SEPTIN9: variants seen among roughly 807,000 people sequenced by gnomAD.
SEPTIN9 encodes the protein septin-9.
SEPTIN9 carries 13 observed loss-of-function variants against 56.6 expected under a neutral mutation model. The ratio of observed to expected loss-of-function variants is 0.23; its 90% CI spans 0.15 to 0.37. SEPTIN9 has a LOEUF of 0.37. Ranked by LOEUF, SEPTIN9 falls within the 10% of genes least tolerant of loss-of-function variation. SEPTIN9 has a pLI of 1.00. For missense variants in SEPTIN9, 650 were observed against 823.1 expected (o/e 0.79, Z 2.57); for synonymous variants, 332 against 334.1 (o/e 0.99, Z 0.07).
At chr17:77,341,092 G>A (rs753720620) in intron 2 of SEPTIN9, among the ~76,000 whole-genome samples, 1 of 152,168 alleles carries the variant, frequency 6.6e-6, no homozygotes, top group Non-Finnish European at 1.5e-5. Flanking sequence ...TGTGTGCACT[G>A]GAATCGCACT....
intron 3 of SEPTIN9, among the ~76,000 whole-genome samples, chr17:77,418,973 C>CT (rs1217961215): frequency 6.6e-6 from 1 of 152,192 alleles, no homozygotes; most frequent in African/African-American, 2.4e-5. Context: ...ATTTCCCTGC[C>CT]TGAGCCTCCT....
At chr17:77,390,452 C>CTTTT (rs1346255182) in intron 2 of SEPTIN9, among the ~76,000 whole-genome samples, 3 of 115,064 alleles carry the variant, frequency 2.6e-5, no homozygotes, top group African/African-American at 3.9e-5. Flanking sequence ...GCACATTTCG[C>CTTTT]TTTTTTTTTT....
At chr17:77,315,185 G>T (rs2032652050) in intron 2 of SEPTIN9, among the ~76,000 whole-genome samples, 1 of 152,174 alleles carries the variant, frequency 6.6e-6, no homozygotes. Context: ...CAGGAGTGGA[G>T]GGGGCAACCA....
chr17:77,460,398 C>T (rs1270689147), intron 3 of SEPTIN9, among the ~76,000 whole-genome samples: 1 of 152,156 alleles, frequency 6.6e-6, no homozygotes, highest in African/African-American at 2.4e-5. Flanking sequence ...GAGGAAAGAG[C>T]TAATTAACTT....
intron 2 of SEPTIN9, among the ~76,000 whole-genome samples, chr17:77,351,530 C>T (rs12450104): frequency 0.21 from 32,098 of 152,128 alleles, 3,736 homozygotes; most frequent in South Asian, 0.33. Flanking sequence ...CTCAAGGTCA[C>T]GGGCGGCCAC....
rs139616610 is a variant in SEPTIN9, at chr17:77,434,409, A to G, written c.721+31706A>G. 2.5e-3 allele frequency among the ~76,000 whole-genome samples: 374 copies of G among 152,278 alleles called. 2 individuals carry two copies. The highest frequency in any genetic ancestry group is 7.9e-3 in the Admixed American group (121 of 15,298). ...TGGCTGAGGCTGCGGTGAGGTCTCC[A>G]TGGCTCCCTCGTCCTGCACATCCTT... On this transcript the variant is annotated intron_variant, in intron 3 of 11. Transcript: ENST00000427177. The surrounding 1 kb of genome is among the most constrained non-coding windows in gnomAD (Gnocchi z 5.0).
chr17:77,496,692 G>C (rs1393256187), intron 10 of SEPTIN9, among the ~76,000 whole-genome samples: 1 of 152,240 alleles, frequency 6.6e-6, no homozygotes, highest in African/African-American at 2.4e-5. Context: ...TATGTATTGT[G>C]TGAAGTGCAC....
chr17:77,493,779 T>C (rs898526582), intron 10 of SEPTIN9, among the ~76,000 whole-genome samples: 4 of 148,284 alleles, frequency 2.7e-5, no homozygotes, highest in Non-Finnish European at 4.5e-5. Flanking sequence ...TTTTTTTTTT[T>C]TTTTTTTGTT....
At chr17:77,355,348 G>C (rs7209969) in intron 2 of SEPTIN9, among the ~76,000 whole-genome samples, 1 of 152,234 alleles carries the variant, frequency 6.6e-6, no homozygotes, top group African/African-American at 2.4e-5. Context: ...TCCCGTCTTG[G>C]ATGTGTGGGT....
At chr17:77,432,371 C>A (rs2037177145) in intron 3 of SEPTIN9, among the ~76,000 whole-genome samples, 1 of 152,232 alleles carries the variant, frequency 6.6e-6, no homozygotes, top group Non-Finnish European at 1.5e-5. Context: ...TTGTTTCTCC[C>A]TTGTCCCTGT....
intron 2 of SEPTIN9, among the ~76,000 whole-genome samples, chr17:77,328,238 CCTAA>C (rs1029142094): frequency 3.1e-4 from 47 of 152,370 alleles, no homozygotes; most frequent in African/African-American, 1.1e-3. Context: ...TCCCCACTTT[CCTAA>C]TCTCCCTCCA....
In SEPTIN9 at chr17:77,492,495, C is replaced by G. The variant is rs1161784081; in HGVS notation, c.1381-126C>G. 2.4e-6 allele frequency: 2 copies of G among 825,476 alleles called. No homozygotes were observed. Among genetic ancestry groups the G allele is most frequent in the Non-Finnish European group, 4.3e-6 (2 of 469,980 alleles). The allele number at this position is 825,476 out of a possible 1,614,324, so 51.1% of individuals were successfully genotyped here. On this transcript the variant is annotated intron_variant, in intron 8 of 11. Coordinates refer to ENST00000427177, the MANE Select transcript of SEPTIN9 (RefSeq NM_001113491.2). The surrounding 1 kb of genome is among the most constrained non-coding windows in gnomAD (Gnocchi z 5.4). ...AGTTGGAGGTGATTGGTGTCACAGC[C>G]CCCCAGAGCCTGCCCTTGAACCCGA...
intron 4 of SEPTIN9, 72 bp downstream of exon 4, chr17:77,482,407 C>A (rs1480913948): frequency 1.9e-5 from 28 of 1,485,628 alleles, no homozygotes; most frequent in Non-Finnish European, 2.5e-5. Flanking sequence ...GGCCCACAAG[C>A]CTTTGGGCTT....
At position 77,498,686 on chromosome 17, in the gene SEPTIN9, T is replaced by TGCGG; in HGVS notation, c.*30_*31insGGGC. On this transcript the variant is annotated 3_prime_UTR_variant, in exon 12 of 12. Transcript: ENST00000427177. ...GCCACCCTGCCCACCCCCGGGATCC[T>TGCGG]GCCCCCAAGTCATTTCCGTCCCCCC... is the stretch of plus-strand genomic sequence containing the variant. The TGCGG allele has an allele frequency of 7.5e-7, 1 of 1,327,828 alleles. No homozygotes were observed. Among genetic ancestry groups the TGCGG allele is most frequent in the Non-Finnish European group, 9.9e-7 (1 of 1,006,602 alleles). The allele number at this position is 1,327,828 out of a possible 1,614,324, so 82.3% of individuals were successfully genotyped here. A position where few individuals can be genotyped will look rare whatever the true frequency, so the allele number is the denominator to read the frequency against.
chr17:77,442,305 C>G (rs1315656763), intron 3 of SEPTIN9: 1 of 152,074 alleles, frequency 6.6e-6, no homozygotes, highest in East Asian at 1.9e-4. Context: ...TCAAGCGATT[C>G]CCCTGCCTCA....
intron 2 of SEPTIN9, chr17:77,320,442 T>C (rs1263418337): frequency 9.4e-7 from 1 of 1,066,930 alleles, no homozygotes; most frequent in Non-Finnish European, 1.5e-6. Flanking sequence ...CAAAGGGCGC[T>C]TTTGCTCATT....
intron 3 of SEPTIN9, among the ~76,000 whole-genome samples, chr17:77,415,394 G>A (rs928638175): frequency 2.6e-5 from 4 of 152,182 alleles, no homozygotes; most frequent in Non-Finnish European, 4.4e-5. Flanking sequence ...ATCACCTGAG[G>A]TCAGGAGTTC....
At position 77,490,808 on chromosome 17, in the gene SEPTIN9, C is replaced by T. The variant is rs775662114; in HGVS notation, c.1329C>T (p.Ile443=). The T allele has an allele frequency of 3.8e-5, 60 of 1,595,724 alleles. No individual in the cohort carries two copies. Among genetic ancestry groups the T allele is most frequent in the Non-Finnish European group, 4.5e-5 (53 of 1,171,026 alleles). ...AGGTGGTCAACATCGTCCCTGTCAT[C>T]GCCAAGGCGGACACACTCACCCTGG... ...LSKVVNIVPV[I]AKADTLTLEE... The change falls in exon 8 of 12, where the codon ATC becomes ATT. Residue 443 remains isoleucine, a synonymous_variant. Coordinates refer to ENST00000427177, the MANE Select transcript of SEPTIN9 (RefSeq NM_001113491.2).
intron 4 of SEPTIN9, chr17:77,483,708 C>A (rs1275483103): frequency 6.6e-6 from 1 of 152,274 alleles, no homozygotes; most frequent in African/African-American, 2.4e-5. Context: ...GCCCAGCAGC[C>A]CTCGCCTTCC....
Sources: gnomAD v4.1 joint callset for allele counts (sites outside exome capture counted in the v4.1 genomes callset) on GRCh38, gnomAD v4.1.1 for gene constraint, Gnocchi (gnomAD v3.1) non-coding constraint, MANE v1.5 for transcripts, NCBI Gene and HGNC (gene_info 2026-07-23, HGNC 2026-07-21) for gene names.